The following IGFBP2 variants were observed in gnomAD, a reference collection of about 807,000 sequenced individuals.
IGFBP2 encodes insulin-like growth factor-binding protein 2.
A neutral mutation model predicts 26.2 loss-of-function variants in IGFBP2; 12 were observed. The observed-to-expected ratio is 0.46, with a 90% confidence interval of 0.29 to 0.74. The LOEUF is 0.74. Among genes scored for constraint, IGFBP2 ranks in the 30% least tolerant of loss-of-function variants. The probability of loss-of-function intolerance (pLI) is 0.09; values close to 1 mark genes in which losing one functional copy is unlikely to be tolerated. For missense variants in IGFBP2, 328 were observed against 441.2 expected (o/e 0.74, Z 2.30); for synonymous variants, 189 against 200.6 (o/e 0.94, Z 0.49).
intron 1 of IGFBP2, among the ~76,000 whole-genome samples, chr2:216,649,051 C>A (rs1026136072): frequency 6.6e-6 from 1 of 152,212 alleles, no homozygotes; most frequent in Non-Finnish European, 1.5e-5. Context: ...GTTTATCTTT[C>A]TTAGCTAAGC....
At chr2:216,637,021 A>G (rs577002190) in intron 1 of IGFBP2, among the ~76,000 whole-genome samples, 1 of 151,884 alleles carries the variant, frequency 6.6e-6, no homozygotes, top group Admixed American at 6.6e-5. Context: ...ACTGATTTAC[A>G]GTGGTTCAGT....
intron 1 of IGFBP2, among the ~76,000 whole-genome samples, chr2:216,656,926 G>C (rs1048596323): frequency 4.6e-5 from 7 of 152,148 alleles, no homozygotes; most frequent in African/African-American, 1.7e-4. Context: ...ATGCGGTGTC[G>C]AGGTCTCCAG....
chr2:216,656,099 T>C (rs779605145), intron 1 of IGFBP2, among the ~76,000 whole-genome samples: 2 of 152,200 alleles, frequency 1.3e-5, no homozygotes, highest in Non-Finnish European at 2.9e-5. Context: ...CAGGCCCGAA[T>C]GCACATTTAT....
At chr2:216,644,927 G>C (rs763624897) in intron 1 of IGFBP2, among the ~76,000 whole-genome samples, 11 of 152,230 alleles carry the variant, frequency 7.2e-5, no homozygotes, top group Non-Finnish European at 1.3e-4. Context: ...CAGAAAAGCA[G>C]TGAATTATAT....
At chr2:216,652,992 A>G (rs1290039342) in intron 1 of IGFBP2, among the ~76,000 whole-genome samples, 2 of 152,190 alleles carry the variant, frequency 1.3e-5, no homozygotes, top group Non-Finnish European at 2.9e-5. Context: ...AGATAGGAGG[A>G]GAAGGCTGGA....
intron 2 of IGFBP2, chr2:216,661,565 A>T (rs1250407447): frequency 1.2e-5 from 6 of 491,744 alleles, no homozygotes; most frequent in Non-Finnish European, 2.2e-5. Context: ...GGCCACTTAG[A>T]TGGATATTTG....
intron 1 of IGFBP2, among the ~76,000 whole-genome samples, chr2:216,647,605 C>T (rs543997021): frequency 1.2e-4 from 19 of 152,268 alleles, no homozygotes; most frequent in South Asian, 4.2e-4. Context: ...CCGCAAGCTC[C>T]GCCTCCCGGG....
chr2:216,652,236 C>T (rs1252791164), intron 1 of IGFBP2, among the ~76,000 whole-genome samples: 5 of 149,160 alleles, frequency 3.4e-5, no homozygotes, highest in East Asian at 2.0e-4. Flanking sequence ...CGCAATGGCG[C>T]GATCTTGGCT....
At chr2:216,641,535 C>G (rs933078300) in intron 1 of IGFBP2, among the ~76,000 whole-genome samples, 1 of 152,142 alleles carries the variant, frequency 6.6e-6, no homozygotes, top group African/African-American at 2.4e-5. Flanking sequence ...CTCCAACCTA[C>G]TTTCACAGGG....
intron 1 of IGFBP2, among the ~76,000 whole-genome samples, chr2:216,640,579 A>G (rs1447641160): frequency 6.6e-6 from 1 of 151,724 alleles, no homozygotes; most frequent in Admixed American, 6.6e-5. Context: ...CCTGTCTTCC[A>G]CCTCCCTGCG....
At chr2:216,652,004 C>T (rs547292424) in intron 1 of IGFBP2, among the ~76,000 whole-genome samples, 149 of 152,058 alleles carry the variant, frequency 9.8e-4, no homozygotes, top group African/African-American at 3.2e-3. Context: ...TCAAATGACC[C>T]GCCCACCTCA....
intron 1 of IGFBP2, among the ~76,000 whole-genome samples, chr2:216,634,667 C>T (rs960892674): frequency 6.6e-5 from 10 of 152,354 alleles, no homozygotes; most frequent in Middle Eastern, 3.4e-3. Flanking sequence ...AGCCCGATCG[C>T]CGGCTGCATT....
chr2:216,658,392 C>T (rs929430388), intron 1 of IGFBP2, among the ~76,000 whole-genome samples: 1 of 152,016 alleles, frequency 6.6e-6, no homozygotes, highest in African/African-American at 2.4e-5. Context: ...AGCTTATTTT[C>T]CTTGGTTTCC....
rs551603714 is a variant in IGFBP2 at position 216,640,746 on chromosome 2, C to T, written c.442+6781C>T. On this transcript the variant is annotated intron_variant, in intron 1 of 3. Coordinates refer to ENST00000233809, the MANE Select transcript of IGFBP2 (RefSeq NM_000597.3). Reference sequence around the variant, plus strand: ...CTGTTGGTAGAGAAAAGCTTTTGACCGTATCAACCAGCAGTTTTGTTCCTG... The same window carrying T: ...CTGTTGGTAGAGAAAAGCTTTTGACTGTATCAACCAGCAGTTTTGTTCCTG... Among the ~76,000 whole-genome samples, 6 of 152,314 alleles carry T rather than the reference C, an allele frequency of 3.9e-5. No homozygotes were observed. The South Asian group carries it at 6.2e-4, about 16-fold the overall frequency.
At chr2:216,648,343 T>A (rs1697755341) in intron 1 of IGFBP2, among the ~76,000 whole-genome samples, 5 of 152,192 alleles carry the variant, frequency 3.3e-5, no homozygotes, top group Non-Finnish European at 5.9e-5. Flanking sequence ...GTGACCCTCT[T>A]CTACTACCTT....
At chr2:216,658,358 G>A (rs980250055) in intron 1 of IGFBP2, among the ~76,000 whole-genome samples, 1 of 151,826 alleles carries the variant, frequency 6.6e-6, no homozygotes, top group African/African-American at 2.4e-5. Context: ...GCTCAGCCGT[G>A]GTAACAGCTA....
chr2:216,647,788 G>A (rs1478382983), intron 1 of IGFBP2, among the ~76,000 whole-genome samples: 1 of 152,166 alleles, frequency 6.6e-6, no homozygotes, highest in East Asian at 1.9e-4. Context: ...CCAAAGTGCT[G>A]GGATTACAGG....
rs918950233 is a variant in IGFBP2, at chr2:216,633,491, C to T, written c.-33C>T. 2.3e-5 allele frequency: 14 copies of T among 619,712 alleles called. No homozygotes were observed. The highest frequency in any genetic ancestry group is 6.3e-5 in the Admixed American group (1 of 15,982). 38.4% of individuals were successfully genotyped at this position (619,712 alleles called of 1,614,324 possible). ...ACCTGCCCGCCCGCCCGCTCGCTCG[C>T]TCGCCCGCCGCGCCGCGCTGCCGAC... On this transcript the variant is annotated 5_prime_UTR_variant, in exon 1 of 4. Coordinates refer to ENST00000233809, the MANE Select transcript of IGFBP2 (RefSeq NM_000597.3).
intron 1 of IGFBP2, among the ~76,000 whole-genome samples, chr2:216,653,003 A>T (rs564613510): frequency 1.3e-5 from 2 of 152,300 alleles, no homozygotes; most frequent in African/African-American, 4.8e-5. Context: ...GAAGGCTGGA[A>T]AATGGTAAGT....
Sources: gnomAD v4.1 joint callset for allele counts (sites outside exome capture counted in the v4.1 genomes callset) on GRCh38, gnomAD v4.1.1 for gene constraint, MANE v1.5 for transcripts, NCBI Gene and HGNC (gene_info 2026-07-23, HGNC 2026-07-21) for gene names.